C2orf92: variants seen among roughly 807,000 people sequenced by gnomAD.
The protein encoded by C2orf92 is chromosome 2 open reading frame 92.
chr2:97,683,892 T>C (rs537864749), intron 3 of C2orf92, among the ~76,000 whole-genome samples: 2 of 152,284 alleles, frequency 1.3e-5, no homozygotes, highest in Non-Finnish European at 2.9e-5. Flanking sequence ...AGTCTCACTC[T>C]GTCGCCCAGG....
chr2:97,688,831 TAGAG>T (rs1299974572), intron 3 of C2orf92, 60 bp from the exon 4 acceptor site: 2 of 398,380 alleles, frequency 5.0e-6, no homozygotes, highest in Non-Finnish European at 8.9e-6. Flanking sequence ...TTTAGGTACT[TAGAG>T]AGCAAAATAT....
intron 2 of C2orf92, among the ~76,000 whole-genome samples, chr2:97,675,011 C>T (rs1675531090): frequency 6.6e-6 from 1 of 152,192 alleles, no homozygotes; most frequent in African/African-American, 2.4e-5. Flanking sequence ...TGCCATCATT[C>T]CACCTCATCC....
At chr2:97,681,856 C>CA (rs535231607) in intron 3 of C2orf92, among the ~76,000 whole-genome samples, 121 of 133,448 alleles carry the variant, frequency 9.1e-4, no homozygotes, top group African/African-American at 2.4e-3. Context: ...GACTCTGTCT[C>CA]AAAAAAAAAA....
At chr2:97,672,367 C>T (rs1308123382) in intron 1 of C2orf92, 1 of 151,206 alleles carries the variant, frequency 6.6e-6, no homozygotes, top group Non-Finnish European at 1.5e-5. Flanking sequence ...CTCCTCCCCA[C>T]GGGAGCCATC....
At chr2:97,689,806 T>C (rs1247701142) in intron 4 of C2orf92, among the ~76,000 whole-genome samples, 1 of 152,124 alleles carries the variant, frequency 6.6e-6, no homozygotes, top group African/African-American at 2.4e-5. Flanking sequence ...CTCACACAAG[T>C]TGAGTTCTAT....
chr2:97,692,701 T>C lies in C2orf92; in HGVS notation c.403+2374T>C, dbSNP rs190969606. 3.7e-4 allele frequency among the ~76,000 whole-genome samples: 57 copies of C among 152,324 alleles called. 1 individual carries two copies. In the East Asian group the frequency reaches 0.011, roughly 29 times the overall value. ...CTGGGATTACAGGCATGAGCCACCA[T>C]GCCCAGCCAGTTTTACATCTTTACC... is the stretch of plus-strand genomic sequence containing the variant. On this transcript the variant is annotated intron_variant, in intron 5 of 7. Coordinates refer to ENST00000627399, the MANE Select transcript of C2orf92 (RefSeq NM_001351368.2).
chr2:97,674,096 T>A (rs1479516657), intron 1 of C2orf92: 1 of 180,590 alleles, frequency 5.5e-6, no homozygotes, highest in East Asian at 1.3e-4. Flanking sequence ...GAGGCCACTG[T>A]GGCTTTGGCG....
chr2:97,667,356 G>A (rs191031184), upstream of C2orf92, among the ~76,000 whole-genome samples: 85 of 150,906 alleles, frequency 5.6e-4, no homozygotes, highest in South Asian at 1.5e-3. Context: ...TCCACCTGTC[G>A]GGTTCAGGCA....
chr2:97,701,630 T>A (rs1236770867), intron 7 of C2orf92, among the ~76,000 whole-genome samples: 2 of 152,192 alleles, frequency 1.3e-5, no homozygotes, highest in Non-Finnish European at 2.9e-5. Context: ...AATATGGATT[T>A]ACAAAAGAAA....
At chr2:97,676,637 T>C (rs1675595397) in intron 3 of C2orf92, among the ~76,000 whole-genome samples, 1 of 151,720 alleles carries the variant, frequency 6.6e-6, no homozygotes, top group African/African-American at 2.4e-5. Flanking sequence ...CCAAGTGTGG[T>C]GGCATGTGCC....
Position 97,669,849 on chromosome 2 carries a change from C to T in C2orf92, c.46+15C>T. The T allele has an allele frequency of 2.5e-6, 1 of 398,632 alleles. No homozygotes were observed. Among genetic ancestry groups the T allele is most frequent in the Non-Finnish European group, 4.4e-6 (1 of 226,116 alleles). 24.7% of individuals were successfully genotyped at this position (398,632 alleles called of 1,614,324 possible). ...CTGGATCCAAGGTATATTGCTGTGG[C>T]AGCTGGAGAGAAACATGGGCCTCAC... is the stretch of plus-strand genomic sequence containing the variant. On this transcript the variant is annotated intron_variant, in intron 1 of 7. Transcript: ENST00000627399.
At chr2:97,664,273 G>C (rs1034417148) in exon 1 of C2orf92, 1 of 153,578 alleles carries the variant, frequency 6.5e-6, no homozygotes, top group South Asian at 2.1e-4. Flanking sequence ...AGCTGGGCTG[G>C]TGTGCGCGCG....
Position 97,693,644 on chromosome 2 carries a change from T to C in C2orf92, c.403+3317T>C, listed in dbSNP as rs905638730. Among the ~76,000 whole-genome samples, 10 of 152,246 alleles carry C rather than the reference T, an allele frequency of 6.6e-5. 1 individual carries two copies. The highest frequency in any genetic ancestry group is 5.9e-4 in the Admixed American group (9 of 15,290). On this transcript the variant is annotated intron_variant, in intron 5 of 7. Coordinates refer to ENST00000627399, the MANE Select transcript of C2orf92 (RefSeq NM_001351368.2). ...TCCTAGAATAAATTCTACTTGGTCA[T>C]AGTGAGGCTTGGAGAGTCCAGTCAC... is the stretch of plus-strand genomic sequence containing the variant.
intron 3 of C2orf92, among the ~76,000 whole-genome samples, chr2:97,687,384 TG>T (rs1304251589): frequency 6.6e-6 from 1 of 151,826 alleles, no homozygotes; most frequent in African/African-American, 2.4e-5. Context: ...ATAGCAGAAA[TG>T]GAAATTTTAT....
In C2orf92 at chr2:97,674,537, C is replaced by T; in HGVS notation, c.128C>T (p.Thr43Ile). 2.5e-6 allele frequency: 1 copy of T among 398,622 alleles called. No homozygotes were observed. Among genetic ancestry groups the T allele is most frequent in the Non-Finnish European group, 4.4e-6 (1 of 226,064 alleles). 24.7% of individuals were successfully genotyped at this position (398,622 alleles called of 1,614,324 possible). Residue 43 changes from threonine (T) to isoleucine (I), a missense_variant, in exon 2 of 8, where the codon ACA (threonine) becomes ATA (isoleucine). By Grantham distance (89) the Thr-to-Ile change is moderately conservative. Coordinates refer to ENST00000627399, the MANE Select transcript of C2orf92 (RefSeq NM_001351368.2). ...DETRTAVRSI[T>I]KRDTQKSYSQ... ...ACAAGAACAGCAGTCAGATCCATTA[C>T]AAAGAGAGACACACAAAAAAGCAAG...
At chr2:97,693,961 G>A (rs1442356510) in intron 5 of C2orf92, among the ~76,000 whole-genome samples, 1 of 152,092 alleles carries the variant, frequency 6.6e-6, no homozygotes, top group Admixed American at 6.5e-5. Flanking sequence ...CAGTTCAGTG[G>A]TATTAAATAC....
chr2:97,671,367 G>A (rs539416529), intron 1 of C2orf92: 211 of 395,522 alleles, frequency 5.3e-4, no homozygotes, highest in Non-Finnish European at 8.1e-4. Flanking sequence ...GGCTGGCCTC[G>A]AACTCCTGAC....
intron 3 of C2orf92, among the ~76,000 whole-genome samples, chr2:97,676,449 G>GAAAAAAAA (rs58388976): frequency 1.0e-5 from 1 of 99,156 alleles, no homozygotes; most frequent in African/African-American, 4.2e-5. Context: ...AAAAAAAAAA[G>GAAAAAAAA]AAAAAAAAAA....
At chr2:97,702,279 GCT>G (rs1676518333) in intron 7 of C2orf92, 1 of 155,430 alleles carries the variant, frequency 6.4e-6, no homozygotes, top group Admixed American at 6.5e-5. Context: ...CCATGCCAAG[GCT>G]CCTGGAACTG....
Sources: allele counts gnomAD v4.1 joint callset (sites outside exome capture counted in the v4.1 genomes callset), GRCh38; gene constraint gnomAD v4.1.1; transcripts MANE v1.5; gene names NCBI Gene and HGNC (gene_info 2026-07-23, HGNC 2026-07-21).